SLC20A2: variants seen among roughly 807,000 people sequenced by gnomAD.
The protein encoded by SLC20A2 is solute carrier family 20 member 2, also known as sodium-dependent phosphate transporter 2.
In SLC20A2, 30 loss-of-function variants were observed where a neutral mutation model predicts 61.0. That is an observed-to-expected ratio of 0.49 (90% CI 0.37 to 0.67). The LOEUF (loss-of-function observed/expected upper bound fraction) is 0.67, where lower values mean the gene tolerates loss of function less well. Among genes scored for constraint, SLC20A2 ranks in the 30% least tolerant of loss-of-function variants. The probability of loss-of-function intolerance (pLI) is 0.00; values close to 1 mark genes in which losing one functional copy is unlikely to be tolerated. For synonymous variants in SLC20A2, 351 were observed against 353.3 expected, an observed-to-expected ratio of 0.99 and a Z score of 0.07; for missense variants, 626 against 866.4, an observed-to-expected ratio of 0.72 and a Z score of 3.48.
intron 8 of SLC20A2, among the ~76,000 whole-genome samples, chr8:42,430,511 G>T (rs1803779900): frequency 6.6e-6 from 1 of 151,958 alleles, no homozygotes; most frequent in African/African-American, 2.4e-5. Flanking sequence ...TACAGCCGCG[G>T]GCCACCACAC....
At chr8:42,531,881 C>T (rs559892000) in intron 1 of SLC20A2, among the ~76,000 whole-genome samples, 64 of 150,660 alleles carry the variant, frequency 4.2e-4, no homozygotes, top group African/African-American at 1.3e-3. Flanking sequence ...TGCAGTGGCG[C>T]GATCTCAGCT....
intron 1 of SLC20A2, among the ~76,000 whole-genome samples, chr8:42,482,686 C>A (rs1294395791): frequency 6.6e-6 from 1 of 152,020 alleles, no homozygotes; most frequent in African/African-American, 2.4e-5. Flanking sequence ...GTTGCCACTG[C>A]ACTCCAGCCT....
intron 5 of SLC20A2, among the ~76,000 whole-genome samples, chr8:42,457,440 G>A (rs375898944): frequency 7.9e-5 from 12 of 151,064 alleles, no homozygotes; most frequent in African/African-American, 2.7e-4. Flanking sequence ...TCCTTCATCC[G>A]CAAATCACCC....
intron 1 of SLC20A2, among the ~76,000 whole-genome samples, chr8:42,480,865 T>C (rs1808506242): frequency 6.6e-6 from 1 of 152,198 alleles, no homozygotes; most frequent in African/African-American, 2.4e-5. Context: ...CTCACTATGT[T>C]GCCCAGGCTG....
rs1348268621 is a variant in SLC20A2 at position 42,437,658 on chromosome 8, C to T, written c.935-81G>A. 12 of 1,222,164 alleles carry T rather than the reference C, an allele frequency of 9.8e-6. No homozygotes were observed. The East Asian group carries it at 2.8e-4, about 29-fold the overall frequency. The allele number at this position is 1,222,164 out of a possible 1,614,324, so 75.7% of individuals were successfully genotyped here. On this transcript the variant is annotated intron_variant, in intron 7 of 10. Transcript: ENST00000520262. The surrounding 1 kb of genome is among the most constrained non-coding windows in gnomAD (Gnocchi z 6.4). ...TTTTTGAGACGGAGCCTTGCTCTGT[C>T]CTCAGGGTGGAGTACAATGGCGCAA...
chr8:42,509,385 C>T (rs1234597500), intron 1 of SLC20A2, among the ~76,000 whole-genome samples: 1 of 152,140 alleles, frequency 6.6e-6, no homozygotes, highest in Non-Finnish European at 1.5e-5. Context: ...TCTACTTTCA[C>T]ACTGGAAGCT....
intron 5 of SLC20A2, among the ~76,000 whole-genome samples, chr8:42,445,919 A>G (rs981162540): frequency 6.6e-6 from 1 of 152,352 alleles, no homozygotes; most frequent in South Asian, 2.1e-4. Flanking sequence ...CTAACCACAT[A>G]CACAGAACTT....
intron 5 of SLC20A2, among the ~76,000 whole-genome samples, chr8:42,447,384 A>T (rs1383620852): frequency 6.6e-6 from 1 of 151,088 alleles, no homozygotes; most frequent in Non-Finnish European, 1.5e-5. Context: ...AAAAAAAATT[A>T]ACATACATTT....
chr8:42,533,847 C>CG (rs968650282), intron 1 of SLC20A2, among the ~76,000 whole-genome samples: 6 of 150,708 alleles, frequency 4.0e-5, no homozygotes, highest in African/African-American at 7.3e-5. Context: ...CTAGTGGAGA[C>CG]GGGGGTTTCA....
At chr8:42,465,954 G>A (rs756926220) in intron 2 of SLC20A2, 37 bp from the exon 3 acceptor site, 2 of 1,563,960 alleles carry the variant, frequency 1.3e-6, no homozygotes, top group East Asian at 4.6e-5. Flanking sequence ...CAGATACAGA[G>A]TACAGAGGTG....
chr8:42,463,495 T>C (rs1346345473), intron 3 of SLC20A2: 1 of 153,336 alleles, frequency 6.5e-6, no homozygotes, highest in Non-Finnish European at 1.5e-5. Flanking sequence ...TCCATTTCCT[T>C]TGCCAAGGCC....
intron 5 of SLC20A2, among the ~76,000 whole-genome samples, chr8:42,448,741 G>A (rs1805428073): frequency 6.6e-6 from 1 of 152,152 alleles, no homozygotes; most frequent in Admixed American, 6.6e-5. Flanking sequence ...GGAGGAAGAA[G>A]AGAGAAGGAA....
At chr8:42,460,705 C>T (rs762065293) in intron 4 of SLC20A2, among the ~76,000 whole-genome samples, 6 of 152,108 alleles carry the variant, frequency 3.9e-5, no homozygotes, top group African/African-American at 1.2e-4. Flanking sequence ...AATGGTACTG[C>T]GCATGTTTTC....
intron 1 of SLC20A2, among the ~76,000 whole-genome samples, chr8:42,481,091 TG>T (rs1192131674): frequency 6.6e-6 from 1 of 152,224 alleles, no homozygotes; most frequent in African/African-American, 2.4e-5. Context: ...AGTATCTTGA[TG>T]GTGCCAAGGA....
At chr8:42,457,430 T>C (rs1046443113) in intron 5 of SLC20A2, among the ~76,000 whole-genome samples, 2 of 151,926 alleles carry the variant, frequency 1.3e-5, no homozygotes, top group African/African-American at 4.8e-5. Flanking sequence ...CACTCCCCTT[T>C]CCTTCATCCG....
intron 10 of SLC20A2, among the ~76,000 whole-genome samples, chr8:42,427,096 C>T (rs999621319): frequency 1.3e-5 from 2 of 152,268 alleles, no homozygotes; most frequent in African/African-American, 4.8e-5. Flanking sequence ...CCTCTTCCTG[C>T]CTTCCTTCCC....
chr8:42,525,859 C>G (rs900435456), intron 1 of SLC20A2, among the ~76,000 whole-genome samples: 1 of 152,056 alleles, frequency 6.6e-6, no homozygotes, highest in Non-Finnish European at 1.5e-5. Flanking sequence ...TAGCTCCCAA[C>G]GACAAAAGCT....
In SLC20A2 at chr8:42,444,714, C is replaced by A; in HGVS notation, c.662G>T (p.Gly221Val). The A allele has an allele frequency of 6.2e-7, 1 of 1,613,958 alleles. No homozygotes were observed. The highest frequency in any genetic ancestry group is 1.6e-4 in the Middle Eastern group (1 of 6,062). ...PMWAIALISF[G>V]VALLFAFFVW... is the part of the protein sequence containing the mutation. ...AAAAAAAGCGAACAGGAGGGCGACA[C>A]CAAAGGAAATGAGGGCTATGGCCCA... Residue 221 changes from glycine (G) to valine (V), a missense_variant, in exon 6 of 11, where the codon GGT (glycine) becomes GTT (valine). Coordinates refer to ENST00000520262, the MANE Select transcript of SLC20A2 (RefSeq NM_001257180.2).
At chr8:42,479,929 T>C (rs1379584010) in intron 1 of SLC20A2, among the ~76,000 whole-genome samples, 4 of 152,188 alleles carry the variant, frequency 2.6e-5, no homozygotes, top group African/African-American at 7.2e-5. Context: ...TCAGGGGGTA[T>C]GGGTGCTCTT....
Sources: allele counts gnomAD v4.1 joint callset (sites outside exome capture counted in the v4.1 genomes callset), GRCh38; gene constraint gnomAD v4.1.1; non-coding constraint Gnocchi (gnomAD v3.1); transcripts MANE v1.5; gene names NCBI Gene and HGNC (gene_info 2026-07-23, HGNC 2026-07-21).